Variants in CPEB2 observed in about 807,000 individuals in gnomAD.
The protein encoded by CPEB2 is cytoplasmic polyadenylation element-binding protein 2.
In CPEB2, 56 loss-of-function variants were observed where a neutral mutation model predicts 93.6. The observed-to-expected ratio is 0.60, with a 90% CI of 0.48 to 0.75. The LOEUF is 0.75. Ranked by LOEUF, CPEB2 falls within the 30% of genes least tolerant of loss-of-function variation. The probability of loss-of-function intolerance (pLI) is 0.00; values close to 1 mark genes in which losing one functional copy is unlikely to be tolerated. For missense variants in CPEB2, 1,579 were observed against 1,395.1 expected (o/e 1.13, Z -2.10); for synonymous variants, 764 against 586.3 (o/e 1.30, Z -4.38).
chr4:15,010,045 T>C (rs1723277801), intron 3 of CPEB2, among the ~76,000 whole-genome samples: 1 of 152,202 alleles, frequency 6.6e-6, no homozygotes, highest in African/African-American at 2.4e-5. Context: ...CTTTGGACTT[T>C]TGAGCCAGAG....
chr4:15,007,339 A>G lies in CPEB2; in HGVS notation c.1697A>G (p.Gln566Arg). The change falls in exon 2 of 12, where the codon CAG (glutamine) becomes CGG (arginine). Residue 566 changes from glutamine (Q) to arginine (R), a missense_variant. Gln to Arg is a conservative substitution (Grantham distance 43, BLOSUM62 1). This residue lies in a region of CPEB2 where 1,411 missense variants were observed against 1,056.0 expected (regional missense o/e 1.34). Transcript: ENST00000538197. ...LLKQSPWSNH[Q>R]SSGWGTGSMS... ...AAACAGTCTCCCTGGAGCAACCATC[A>G]GAGCAGTGGCTGGGGCACTGGAAGT... is the stretch of plus-strand genomic sequence containing the variant. The G allele has an allele frequency of 6.3e-7, 1 of 1,582,294 alleles. No individual in the cohort carries two copies. Among genetic ancestry groups the G allele is most frequent in the South Asian group, 1.1e-5 (1 of 86,990 alleles).
chr4:15,039,085 G>A (rs1560239151), intron 5 of CPEB2, among the ~76,000 whole-genome samples: 1 of 152,158 alleles, frequency 6.6e-6, no homozygotes, highest in Non-Finnish European at 1.5e-5. Flanking sequence ...AAATAGATCT[G>A]CCAGACTTTG....
intron 10 of CPEB2, among the ~76,000 whole-genome samples, chr4:15,060,621 TAGGG>T (rs1397416232): frequency 6.6e-6 from 1 of 152,102 alleles, no homozygotes; most frequent in Non-Finnish European, 1.5e-5. Flanking sequence ...AAGGAGCAGA[TAGGG>T]AGGGAAGATT....
chr4:15,008,251 T>A (rs1256648093), intron 2 of CPEB2, 87 bp from the exon 3 acceptor site: 1 of 924,722 alleles, frequency 1.1e-6, no homozygotes, highest in Admixed American at 1.9e-5. Context: ...GATAGAGCTT[T>A]ATTTTTTGTT....
intron 6 of CPEB2, among the ~76,000 whole-genome samples, chr4:15,041,475 T>C (rs1727185803): frequency 6.6e-6 from 1 of 151,808 alleles, no homozygotes; most frequent in South Asian, 2.1e-4. Flanking sequence ...CGATCTCGGC[T>C]CACCACAACC....
chr4:15,004,209 C>T lies in CPEB2; in HGVS notation c.1536C>T (p.Pro512=), dbSNP rs1194937213. The T allele has an allele frequency of 1.3e-6, 2 of 1,492,712 alleles. No individual in the cohort carries two copies. The highest frequency in any genetic ancestry group is 8.9e-7 in the Non-Finnish European group (1 of 1,127,726). 92.5% of individuals were successfully genotyped at this position (1,492,712 alleles called of 1,614,324 possible). A position where few individuals can be genotyped will look rare whatever the true frequency, so the allele number is the denominator to read the frequency against. Reference sequence around the variant, plus strand: ...CCATGAATATACCTCAACAGCAGCCCCCGCCGCCCGCGGCGCCGCAGCAGC... The same window carrying T: ...CCATGAATATACCTCAACAGCAGCCTCCGCCGCCCGCGGCGCCGCAGCAGC... ...PPAMNIPQQQ[P]PPPAAPQQPQ... The change falls in exon 1 of 12, where the codon CCC becomes CCT. Residue 512 remains proline, a synonymous_variant. Coordinates refer to ENST00000538197, the MANE Select transcript of CPEB2 (RefSeq NM_001177382.2).
chr4:15,003,731 G>C lies in CPEB2; in HGVS notation c.1058G>C (p.Gly353Ala), dbSNP rs1295728500. Residue 353 changes from glycine to alanine, a missense_variant, in exon 1 of 12, where the codon GGC becomes GCC. Transcript: ENST00000538197. ...QSPDLPHPGG[G>A]GGGGGGGPPG... ...CCGGACCTTCCACACCCGGGCGGCG[G>C]CGGCGGCGGCGGGGGCGGGGGGCCC... 7.7e-7 allele frequency: 1 copy of C among 1,298,994 alleles called. No homozygotes were observed. Among genetic ancestry groups the C allele is most frequent in the Non-Finnish European group, 9.7e-7 (1 of 1,027,970 alleles). 80.5% of individuals were successfully genotyped at this position (1,298,994 alleles called of 1,614,324 possible). A position where few individuals can be genotyped will look rare whatever the true frequency, so the allele number is the denominator to read the frequency against.
rs1046070531 is a variant in CPEB2 at position 15,052,649 on chromosome 4, T to G, written c.2371+65T>G. ...TTAACAAAAACAAAAAGATATGAAA[T>G]TTAATGTGAATGGACTATGAAAGTT... is the stretch of plus-strand genomic sequence containing the variant. On this transcript the variant is annotated intron_variant, in intron 7 of 11. Coordinates refer to ENST00000538197, the MANE Select transcript of CPEB2 (RefSeq NM_001177382.2). The G allele has an allele frequency of 2.6e-5, 29 of 1,118,982 alleles. 2 individuals are homozygous for G. In the Middle Eastern group the frequency reaches 9.4e-4, roughly 36 times the overall value. The allele number at this position is 1,118,982 out of a possible 1,614,324, so 69.3% of individuals were successfully genotyped here. A position where few individuals can be genotyped will look rare whatever the true frequency, so the allele number is the denominator to read the frequency against.
chr4:15,066,045 C>A, intron 11 of CPEB2, 108 bp from the exon 12 acceptor site: 1 of 912,824 alleles, frequency 1.1e-6, no homozygotes, highest in South Asian at 1.7e-5. Context: ...CCCATTTCCT[C>A]AGCTTTTAAT....
chr4:15,047,465 T>C (rs1476724748), intron 6 of CPEB2, among the ~76,000 whole-genome samples: 2 of 152,166 alleles, frequency 1.3e-5, no homozygotes, highest in Admixed American at 1.3e-4. Context: ...GGTGTAAAAG[T>C]CTTACATATC....
intron 6 of CPEB2, among the ~76,000 whole-genome samples, chr4:15,050,959 C>T (rs559419569): frequency 1.3e-5 from 2 of 152,342 alleles, no homozygotes; most frequent in East Asian, 3.9e-4. Flanking sequence ...TGCTTCTGAA[C>T]ATCCTAACAG....
chr4:15,003,442 G>T lies in CPEB2; in HGVS notation c.769G>T (p.Asp257Tyr). The change falls in exon 1 of 12, where the codon GAC (aspartate) becomes TAC (tyrosine). Residue 257 changes from aspartate to tyrosine, a missense_variant. Around this residue, in one of 2 missense-constraint regions of CPEB2, gnomAD observed 1,411 missense variants for 1,056.0 expected, o/e 1.34. Transcript: ENST00000538197. Reference sequence around the variant, plus strand: ...CTTCGCCCCGCGGCAGCGTCCGGCAGACCTGCCCCCGCTCCCGCAGCTCCC... The same window carrying T: ...CTTCGCCCCGCGGCAGCGTCCGGCATACCTGCCCCCGCTCCCGCAGCTCCC... Reference protein sequence around the residue: ...QDFAPRQRPADLPPLPQLPPS... With the variant: ...QDFAPRQRPAYLPPLPQLPPS... 1 of 1,360,836 alleles carries T rather than the reference G, an allele frequency of 7.3e-7. No individual in the cohort carries two copies. Among genetic ancestry groups the T allele is most frequent in the Non-Finnish European group, 9.4e-7 (1 of 1,066,910 alleles). The allele number at this position is 1,360,836 out of a possible 1,614,324, so 84.3% of individuals were successfully genotyped here. A position where few individuals can be genotyped will look rare whatever the true frequency, so the allele number is the denominator to read the frequency against.
rs1327509051 is a variant in CPEB2 at position 15,054,219 on chromosome 4, TA to T, written c.2461+4del. 1.9e-6 allele frequency: 3 copies of T among 1,600,034 alleles called. No homozygotes were observed. The highest frequency in any genetic ancestry group is 3.4e-5 in the Admixed American group (2 of 58,546). On this transcript the variant is annotated splice_donor_region_variant and intron_variant, in intron 8 of 11. Transcript: ENST00000538197. ...GCAAGTCCTATTTTCCACCAAAAGG[TA>T]AGGATTGTTATTGTTAATATTTGCT...
intron 10 of CPEB2, among the ~76,000 whole-genome samples, chr4:15,060,445 G>A (rs1407651719): frequency 6.6e-6 from 1 of 152,124 alleles, no homozygotes; most frequent in Non-Finnish European, 1.5e-5. Flanking sequence ...TTACAATCCA[G>A]GAGATAGACA....
intron 7 of CPEB2, among the ~76,000 whole-genome samples, chr4:15,053,178 C>T (rs1014900953): frequency 4.0e-5 from 6 of 151,772 alleles, no homozygotes; most frequent in African/African-American, 7.3e-5. Context: ...CACCATGCCC[C>T]GCTAATTTGT....
At position 15,003,878 on chromosome 4, in the gene CPEB2, CG is replaced by C; in HGVS notation, c.1206del (p.Gln403SerfsTer55). Reference sequence around the variant, plus strand: ...CCCCAGCAGCCGCCGCCGACCCAGCCGCAGCAGCAGCCGCCGCCACCCCAGC... The same window carrying C: ...CCCCAGCAGCCGCCGCCGACCCAGCCCAGCAGCAGCCGCCGCCACCCCAGC... ...PQPQQPPPTQPQQQPPPPQQP... is the reference protein window; with the variant it reads ...PQPQQPPPTQXQQQPPPPQQP... On this transcript the variant is annotated frameshift_variant, in exon 1 of 12. Coordinates refer to ENST00000538197, the MANE Select transcript of CPEB2 (RefSeq NM_001177382.2). LOFTEE classifies it high-confidence loss of function. 1 of 861,626 alleles carries C rather than the reference CG, an allele frequency of 1.2e-6. No individual in the cohort carries two copies. Among genetic ancestry groups the C allele is most frequent in the Non-Finnish European group, 1.5e-6 (1 of 651,552 alleles). The allele number at this position is 861,626 out of a possible 1,614,324, so 53.4% of individuals were successfully genotyped here.
rs1342572330 is a variant in CPEB2 at position 15,003,404 on chromosome 4, T to C, written c.731T>C (p.Leu244Pro). 7.3e-7 allele frequency: 1 copy of C among 1,364,284 alleles called. No homozygotes were observed. The highest frequency in any genetic ancestry group is 1.8e-5 in the South Asian group (1 of 55,308). The allele number at this position is 1,364,284 out of a possible 1,614,324, so 84.5% of individuals were successfully genotyped here. Reference sequence around the variant, plus strand: ...TTCAGCCTCCTGCATCAGCAGCACCTCTCGCCGCAGGACTTCGCCCCGCGG... The same window carrying C: ...TTCAGCCTCCTGCATCAGCAGCACCCCTCGCCGCAGGACTTCGCCCCGCGG... ...QQFSLLHQQH[L>P]SPQDFAPRQR... Residue 244 changes from leucine (L) to proline (P), a missense_variant, in exon 1 of 12, where the codon CTC (leucine) becomes CCC (proline). By Grantham distance (98) the Leu-to-Pro change is moderately conservative. Transcript: ENST00000538197.
chr4:15,010,017 C>A (rs1404744307), intron 3 of CPEB2, among the ~76,000 whole-genome samples: 2 of 152,068 alleles, frequency 1.3e-5, no homozygotes, highest in African/African-American at 4.8e-5. Flanking sequence ...TGGTAAACTG[C>A]TGAGATATTG....
intron 3 of CPEB2, among the ~76,000 whole-genome samples, chr4:15,014,373 G>T (rs1271883112): frequency 6.7e-6 from 1 of 149,724 alleles, no homozygotes; most frequent in Non-Finnish European, 1.5e-5. Flanking sequence ...TCATGATATG[G>T]CACACCTGCA....
Sources: allele counts gnomAD v4.1 joint callset (sites outside exome capture counted in the v4.1 genomes callset), GRCh38; gene constraint gnomAD v4.1.1; regional missense constraint gnomAD v4.1.1; transcripts MANE v1.5; gene names NCBI Gene and HGNC (gene_info 2026-07-23, HGNC 2026-07-21).